The following DPP6 variants were observed in gnomAD, a reference collection of about 807,000 sequenced individuals.
DPP6 encodes dipeptidyl peptidase like 6, also known as A-type potassium channel modulatory protein DPP6.
Under a neutral mutation model 122.6 loss-of-function variants are expected in DPP6, and 69 were observed. The observed-to-expected ratio is 0.56, with a 90% CI of 0.46 to 0.69. The LOEUF (loss-of-function observed/expected upper bound fraction) is 0.69, where lower values mean the gene tolerates loss of function less well. DPP6 is among the 30% of genes least tolerant of loss of function. The pLI, the probability that DPP6 is intolerant of heterozygous loss-of-function variation, is 0.00. For missense variants in DPP6, 928 were observed against 1,116.9 expected, an observed-to-expected ratio of 0.83 and a Z score of 2.41; for synonymous variants, 418 against 433.1, an observed-to-expected ratio of 0.97 and a Z score of 0.43.
intron 5 of DPP6, among the ~76,000 whole-genome samples, chr7:154,614,763 CGGA>C (rs1172341303): frequency 1.3e-5 from 2 of 151,918 alleles, no homozygotes; most frequent in African/African-American, 4.8e-5. Flanking sequence ...ATTAGATAAA[CGGA>C]AGAAGGGAGA....
intron 1 of DPP6, among the ~76,000 whole-genome samples, chr7:154,154,031 G>C (rs1483306233): frequency 6.6e-6 from 1 of 152,220 alleles, no homozygotes; most frequent in Non-Finnish European, 1.5e-5. Context: ...AAACATAATT[G>C]TTCCTTCAAT....
At chr7:154,352,556 T>G (rs1048317779) in intron 1 of DPP6, among the ~76,000 whole-genome samples, 1 of 152,146 alleles carries the variant, frequency 6.6e-6, no homozygotes, top group African/African-American at 2.4e-5. Context: ...GCCATCATTC[T>G]CAGCAAACTA....
rs538870163 is a variant in DPP6 at position 154,201,772 on chromosome 7, C to A, written c.243+148709C>A. 5.3e-5 allele frequency among the ~76,000 whole-genome samples: 8 copies of A among 152,296 alleles called. No homozygotes were observed. The East Asian group carries it at 1.5e-3, about 29-fold the overall frequency. ...GGTTCTATTGAAAGGAAAGTGTAACCACATCAGTGGGTCTGCATACCATTG... is the reference window on the plus strand; with the variant it reads ...GGTTCTATTGAAAGGAAAGTGTAACAACATCAGTGGGTCTGCATACCATTG... On this transcript the variant is annotated intron_variant, in intron 1 of 25. Coordinates refer to ENST00000377770, the MANE Select transcript of DPP6 (RefSeq NM_130797.4).
At chr7:154,522,487 G>A (rs1202039865) in intron 3 of DPP6, among the ~76,000 whole-genome samples, 2 of 152,274 alleles carry the variant, frequency 1.3e-5, no homozygotes, top group African/African-American at 2.4e-5. Context: ...TCCAGGTCTC[G>A]GGAGCACGTC....
At chr7:153,871,744 C>T in the DPP6 span, among the ~76,000 whole-genome samples, 1 of 152,220 alleles carries the variant, frequency 6.6e-6, no homozygotes, top group South Asian at 2.1e-4. Context: ...CTGCGTCGCT[C>T]ACGCTGGGAG....
chr7:153,948,933 A>G (rs1386167619), intron 1 of DPP6, among the ~76,000 whole-genome samples: 2 of 151,820 alleles, frequency 1.3e-5, no homozygotes, highest in Admixed American at 6.6e-5. Context: ...GGGAAAGAAT[A>G]TGAAACAAAA....
At chr7:154,417,311 G>A (rs1339822308) in intron 1 of DPP6, among the ~76,000 whole-genome samples, 1 of 152,042 alleles carries the variant, frequency 6.6e-6, no homozygotes, top group Non-Finnish European at 1.5e-5. Context: ...ATCTTAAAAT[G>A]TAGTTTTTGT....
chr7:153,880,755 G>T, the DPP6 span, among the ~76,000 whole-genome samples: 1 of 152,194 alleles, frequency 6.6e-6, no homozygotes, highest in Admixed American at 6.5e-5. Flanking sequence ...TACCTGAGAT[G>T]AACCTGAAAT....
chr7:153,871,316 G>A, the DPP6 span, among the ~76,000 whole-genome samples: 1 of 152,312 alleles, frequency 6.6e-6, no homozygotes, highest in South Asian at 2.1e-4. Context: ...GAGCTTCCCG[G>A]CTGCTTTGTT....
At chr7:153,749,353 G>A in the DPP6 span, among the ~76,000 whole-genome samples, 1 of 152,238 alleles carries the variant, frequency 6.6e-6, no homozygotes, top group East Asian at 2.0e-4. The surrounding 1 kb of genome is among the most constrained non-coding windows in gnomAD (Gnocchi z 4.1). Flanking sequence ...AGAGGTCGGC[G>A]TTGGGAGGCA....
chr7:153,940,567 A>G (rs1801650243), intron 1 of DPP6, among the ~76,000 whole-genome samples: 1 of 152,272 alleles, frequency 6.6e-6, no homozygotes, highest in Admixed American at 6.5e-5. Flanking sequence ...CATGACACAC[A>G]GAAACGGGGA....
chr7:154,834,326 ATT>A (rs1047829951), intron 16 of DPP6, among the ~76,000 whole-genome samples: 5 of 151,156 alleles, frequency 3.3e-5, no homozygotes, highest in African/African-American at 9.7e-5. Flanking sequence ...AAAAAAAAAA[ATT>A]AGCCAGTTGT....
chr7:154,007,498 C>T (rs957724761), intron 1 of DPP6, among the ~76,000 whole-genome samples: 1 of 152,090 alleles, frequency 6.6e-6, no homozygotes, highest in African/African-American at 2.4e-5. Flanking sequence ...GCAAAATCAC[C>T]TCTAATTGCT....
chr7:154,877,862 A>C lies in DPP6; in HGVS notation c.2078+1762A>C, dbSNP rs560727683. Among the ~76,000 whole-genome samples the C allele has an allele frequency of 1.3e-5, 2 of 152,214 alleles. No individual in the cohort carries two copies. The highest frequency in any genetic ancestry group is 1.9e-4 in the East Asian group (1 of 5,160). On this transcript the variant is annotated intron_variant, in intron 20 of 25. Transcript: ENST00000377770. The surrounding 1 kb of genome is among the most constrained non-coding windows in gnomAD (Gnocchi z 5.2). ...CCCTGAGCAGAGGATGTGGGGTGAC[A>C]AGGGAATGCTGGGGTTCAGTGTGGA...
At chr7:153,928,060 C>A (rs1379423971) in intron 1 of DPP6, among the ~76,000 whole-genome samples, 2 of 152,026 alleles carry the variant, frequency 1.3e-5, no homozygotes, top group Admixed American at 6.6e-5. Context: ...AATGGTATAA[C>A]ATTAACAATA....
At chr7:154,128,559 G>A (rs1808115319) in intron 1 of DPP6, among the ~76,000 whole-genome samples, 1 of 152,040 alleles carries the variant, frequency 6.6e-6, no homozygotes, top group Non-Finnish European at 1.5e-5. Context: ...CCGCCACCGC[G>A]CCTGGCTAAT....
intron 1 of DPP6, among the ~76,000 whole-genome samples, chr7:154,402,182 C>G (rs1360786549): frequency 4.2e-4 from 63 of 151,502 alleles, no homozygotes; most frequent in African/African-American, 1.2e-3. Context: ...TTGTGGAAGT[C>G]AGTGTGGCGA....
At chr7:153,912,694 T>A (rs1222038878) in intron 1 of DPP6, among the ~76,000 whole-genome samples, 3 of 152,148 alleles carry the variant, frequency 2.0e-5, no homozygotes, top group African/African-American at 7.2e-5. Flanking sequence ...AATTCAGTAT[T>A]CTCTAAGGAG....
intron 1 of DPP6, among the ~76,000 whole-genome samples, chr7:154,439,684 T>C (rs1168179658): frequency 9.2e-6 from 1 of 108,406 alleles, no homozygotes; most frequent in African/African-American, 4.8e-5. Context: ...ATAATTTGCC[T>C]GTTTGTTTTC....
Sources: gnomAD v4.1 joint callset for allele counts (sites outside exome capture counted in the v4.1 genomes callset) on GRCh38, gnomAD v4.1.1 for gene constraint, Gnocchi (gnomAD v3.1) non-coding constraint, MANE v1.5 for transcripts, NCBI Gene and HGNC (gene_info 2026-07-23, HGNC 2026-07-21) for gene names.